Variants in CTNNA2 observed in about 807,000 individuals in gnomAD.
CTNNA2 encodes the protein catenin alpha 2.
A neutral mutation model predicts 101.0 loss-of-function variants in CTNNA2; 42 were observed. The ratio of observed to expected loss-of-function variants is 0.42; its 90% confidence interval spans 0.32 to 0.54. CTNNA2 has a LOEUF of 0.54. Ranked by LOEUF, CTNNA2 falls within the 20% of genes least tolerant of loss-of-function variation. CTNNA2 has a pLI of 0.14. For missense variants in CTNNA2, 871 were observed against 1,223.1 expected (o/e 0.71, Z 4.29); for synonymous variants, 450 against 456.4 (o/e 0.99, Z 0.18).
intron 9 of CTNNA2, among the ~76,000 whole-genome samples, chr2:80,521,351 T>C (rs765575535): frequency 6.3e-4 from 96 of 152,186 alleles, no homozygotes; most frequent in Non-Finnish European, 6.5e-4. Flanking sequence ...GTTTTAACTC[T>C]TACATGGAAC....
chr2:80,634,769 A>T (rs1419400450), intron 18 of CTNNA2, among the ~76,000 whole-genome samples: 1 of 152,106 alleles, frequency 6.6e-6, no homozygotes, highest in Non-Finnish European at 1.5e-5. Flanking sequence ...CAAGTAATAG[A>T]TATGTTTTGA....
At chr2:80,557,357 T>C (rs908662270) in intron 12 of CTNNA2, among the ~76,000 whole-genome samples, 1 of 152,184 alleles carries the variant, frequency 6.6e-6, no homozygotes, top group Admixed American at 6.5e-5. Flanking sequence ...GGTATTTTTT[T>C]CCCTAATTCT....
intron 2 of CTNNA2, among the ~76,000 whole-genome samples, chr2:79,255,335 C>T (rs942512963): frequency 6.6e-6 from 1 of 152,120 alleles, no homozygotes; most frequent in Non-Finnish European, 1.5e-5. Flanking sequence ...TATTTCAGAA[C>T]AGAGTGAATG....
chr2:80,124,541 A>AT (rs1277961020), intron 7 of CTNNA2, among the ~76,000 whole-genome samples: 2 of 151,948 alleles, frequency 1.3e-5, no homozygotes, highest in South Asian at 2.1e-4. Flanking sequence ...ATATATCCTC[A>AT]TTTTTTTCCA....
At chr2:79,605,013 T>G (rs531379170) in intron 1 of CTNNA2, among the ~76,000 whole-genome samples, 1 of 152,300 alleles carries the variant, frequency 6.6e-6, no homozygotes, top group Non-Finnish European at 1.5e-5. Flanking sequence ...AGCAGGAAAT[T>G]ATGACTCATA....
chr2:79,672,859 G>A (rs1828478), intron 2 of CTNNA2, among the ~76,000 whole-genome samples: 5,988 of 151,856 alleles, frequency 0.039, 389 homozygotes, highest in African/African-American at 0.14. Context: ...ACAGGCGCCT[G>A]CCACCATGCC....
chr2:80,015,473 T>C (rs961057880), intron 7 of CTNNA2, among the ~76,000 whole-genome samples: 3 of 152,214 alleles, frequency 2.0e-5, no homozygotes, highest in Admixed American at 6.5e-5. Flanking sequence ...TCTGATGGGG[T>C]ACTTACTGTC....
upstream of CTNNA2, among the ~76,000 whole-genome samples, chr2:79,509,615 G>A (rs916744949): frequency 6.6e-6 from 1 of 152,170 alleles, no homozygotes; most frequent in African/African-American, 2.4e-5. Flanking sequence ...AGAAAGAGAA[G>A]AATAGACAGA....
intron 7 of CTNNA2, among the ~76,000 whole-genome samples, chr2:80,240,283 T>C (rs1473277611): frequency 6.6e-6 from 1 of 152,236 alleles, no homozygotes; most frequent in Non-Finnish European, 1.5e-5. Flanking sequence ...CACTTGGCCT[T>C]GGCTTTAGGA....
intron 9 of CTNNA2, among the ~76,000 whole-genome samples, chr2:80,491,465 A>G (rs1442493430): frequency 3.3e-5 from 5 of 152,228 alleles, no homozygotes; most frequent in African/African-American, 9.6e-5. Flanking sequence ...TGAAAAATGA[A>G]GGTAGGATTT....
chr2:80,418,981 A>G (rs1022601159), intron 8 of CTNNA2, among the ~76,000 whole-genome samples: 9 of 152,192 alleles, frequency 5.9e-5, no homozygotes, highest in Non-Finnish European at 1.3e-4. Context: ...GCTTCTATCT[A>G]ACACAAACAA....
intron 9 of CTNNA2, among the ~76,000 whole-genome samples, chr2:80,474,629 C>T (rs187618148): frequency 1.3e-5 from 2 of 152,088 alleles, no homozygotes; most frequent in African/African-American, 4.8e-5. Flanking sequence ...TTTTTATTAT[C>T]TAGATAATGA....
chr2:80,033,713 G>A (rs140599840), intron 7 of CTNNA2, among the ~76,000 whole-genome samples: 2 of 152,274 alleles, frequency 1.3e-5, no homozygotes, highest in Non-Finnish European at 2.9e-5. Context: ...AAGTATCTAT[G>A]GTTAGAAATT....
chr2:80,416,193 A>G (rs1347153637), intron 8 of CTNNA2, among the ~76,000 whole-genome samples: 1 of 152,092 alleles, frequency 6.6e-6, no homozygotes, highest in Non-Finnish European at 1.5e-5. Context: ...CTAAGAGAGT[A>G]GATCTTAAGT....
At chr2:79,556,787 A>C (rs1674474532) in intron 1 of CTNNA2, among the ~76,000 whole-genome samples, 1 of 152,000 alleles carries the variant, frequency 6.6e-6, no homozygotes, top group South Asian at 2.1e-4. Context: ...CAGTTTTTAA[A>C]TTTGGAGCTG....
chr2:79,910,095 T>C (rs1685682362), intron 7 of CTNNA2, among the ~76,000 whole-genome samples: 1 of 152,194 alleles, frequency 6.6e-6, no homozygotes, highest in Non-Finnish European at 1.5e-5. Flanking sequence ...AGGTAAGATT[T>C]CAATTGGTAA....
At chr2:79,225,378 T>G (rs1674395150) in intron 2 of CTNNA2, among the ~76,000 whole-genome samples, 1 of 152,188 alleles carries the variant, frequency 6.6e-6, no homozygotes, top group African/African-American at 2.4e-5. Context: ...TGTCAGCTTG[T>G]CTTTGAATTA....
At chr2:80,249,616 A>T (rs1412708808) in intron 7 of CTNNA2, among the ~76,000 whole-genome samples, 1 of 152,210 alleles carries the variant, frequency 6.6e-6, no homozygotes, top group Non-Finnish European at 1.5e-5. Context: ...TGGGTTTGAT[A>T]GGTGGCTCAC....
intron 9 of CTNNA2, among the ~76,000 whole-genome samples, chr2:80,443,996 T>A (rs1342968798): frequency 6.6e-6 from 1 of 152,140 alleles, no homozygotes; most frequent in Admixed American, 6.5e-5. Context: ...CATGAATAGG[T>A]TAAAATTTTG....
Sources: gnomAD v4.1 joint callset for allele counts (sites outside exome capture counted in the v4.1 genomes callset) on GRCh38, gnomAD v4.1.1 for gene constraint, MANE v1.5 for transcripts, NCBI Gene and HGNC (gene_info 2026-07-23, HGNC 2026-07-21) for gene names.